Variants in TRAPPC8 observed in about 807,000 individuals in gnomAD.
TRAPPC8 encodes the protein trafficking protein particle complex subunit 8.
In TRAPPC8, 54 loss-of-function variants were observed where a neutral mutation model predicts 174.3. The observed-to-expected ratio is 0.31, with a 90% CI of 0.25 to 0.39. The LOEUF (loss-of-function observed/expected upper bound fraction) is 0.39. Among genes scored for constraint, TRAPPC8 ranks in the 10% least tolerant of loss-of-function variants. TRAPPC8 has a pLI of 1.00. For missense variants in TRAPPC8, 1,531 were observed against 1,699.1 expected, an observed-to-expected ratio of 0.90 and a Z score of 1.74; for synonymous variants, 630 against 579.9, an observed-to-expected ratio of 1.09 and a Z score of -1.24.
At chr18:31,930,221 G>A (rs2037791235) in intron 2 of TRAPPC8, among the ~76,000 whole-genome samples, 1 of 151,894 alleles carries the variant, frequency 6.6e-6, no homozygotes, top group African/African-American at 2.4e-5. Context: ...CCGGGTTCAA[G>A]CGATTCTTCT....
chr18:31,936,902 T>TTAA (rs1327401108), intron 1 of TRAPPC8, among the ~76,000 whole-genome samples: 1 of 92,496 alleles, frequency 1.1e-5, no homozygotes, highest in Non-Finnish European at 2.0e-5. Context: ...ACTCCGTCTT[T>TTAA]AAAAAAAAAA....
At chr18:31,908,062 C>T (rs146669441) in intron 8 of TRAPPC8, among the ~76,000 whole-genome samples, 761 of 152,292 alleles carry the variant, frequency 5.0e-3, no homozygotes, top group South Asian at 0.015. Flanking sequence ...AGTCTAACTT[C>T]ATTGTTTTAC....
chr18:31,935,571 A>G (rs2038060646), intron 1 of TRAPPC8, among the ~76,000 whole-genome samples: 2 of 137,620 alleles, frequency 1.5e-5, no homozygotes. Flanking sequence ...AAAAAAAAGC[A>G]GGCTTTATGA....
At chr18:31,858,058 CT>C (rs34631623) in intron 19 of TRAPPC8, 76 bp from the exon 20 acceptor site, 121,167 of 943,392 alleles carry the variant, frequency 0.13, 18 homozygotes, top group Non-Finnish European at 0.14. Flanking sequence ...CTTTAAGACA[CT>C]TTTTTTTTTT....
intron 1 of TRAPPC8, 156 bp downstream of exon 1, chr18:31,942,452 A>G: frequency 1.0e-6 from 1 of 1,001,386 alleles, no homozygotes; most frequent in Non-Finnish European, 1.4e-6. Flanking sequence ...TCCCTCCTCC[A>G]GCCGCCCCCG....
chr18:31,895,429 CCCA>C (rs2036142618), intron 11 of TRAPPC8, among the ~76,000 whole-genome samples: 1 of 152,094 alleles, frequency 6.6e-6, no homozygotes, highest in Non-Finnish European at 1.5e-5. Flanking sequence ...GCCCCCTCTC[CCCA>C]CCACATGGCA....
In TRAPPC8 at chr18:31,935,548, T is replaced by TGA. The variant is rs745488703; in HGVS notation, c.158-4026_158-4025insTC. Among the ~76,000 whole-genome samples the TGA allele has an allele frequency of 6.7e-4, 31 of 46,270 alleles. 7 individuals are homozygous for TGA. Among genetic ancestry groups the TGA allele is most frequent in the South Asian group, 3.3e-3 (4 of 1,218 alleles). 30.4% of individuals were successfully genotyped at this position (46,270 alleles called of 152,430 possible). On this transcript the variant is annotated intron_variant, in intron 1 of 28. Transcript: ENST00000283351. ...GGGCAACAAGAGCGAAACTCCATCT[T>TGA]AAAAAAAAAAAAAAAAAAAAGCAGG...
intron 11 of TRAPPC8, chr18:31,895,683 TA>T (rs1466449476): frequency 6.6e-6 from 1 of 152,192 alleles, no homozygotes; most frequent in Non-Finnish European, 1.5e-5. Flanking sequence ...TCCTGAACCA[TA>T]AATTCTTTTT....
intron 18 of TRAPPC8, among the ~76,000 whole-genome samples, chr18:31,866,145 A>T (rs1598630428): frequency 6.6e-6 from 1 of 152,118 alleles, no homozygotes; most frequent in South Asian, 2.1e-4. Context: ...ATTTGTTGTA[A>T]AATAAGACAT....
chr18:31,886,592 C>T (rs931843062), intron 12 of TRAPPC8, among the ~76,000 whole-genome samples: 4 of 152,058 alleles, frequency 2.6e-5, no homozygotes, highest in South Asian at 2.1e-4. Flanking sequence ...TCTTCCCCAG[C>T]GTTTTTTGTT....
At chr18:31,831,603 T>C (rs2032377531) in intron 28 of TRAPPC8, among the ~76,000 whole-genome samples, 1 of 152,134 alleles carries the variant, frequency 6.6e-6, no homozygotes, top group Admixed American at 6.5e-5. Context: ...TGTCTGTACA[T>C]GAATGCTTTT....
chr18:31,924,487 G>A (rs2037527649), intron 2 of TRAPPC8, among the ~76,000 whole-genome samples: 1 of 148,652 alleles, frequency 6.7e-6, no homozygotes, highest in Admixed American at 6.7e-5. Flanking sequence ...ATGGCCAGGA[G>A]TGGTGGCTCA....
chr18:31,834,269 G>A (rs1371326425), intron 27 of TRAPPC8, among the ~76,000 whole-genome samples: 1 of 151,838 alleles, frequency 6.6e-6, no homozygotes, highest in Non-Finnish European at 1.5e-5. Flanking sequence ...ACCACACCCG[G>A]CTAATTTTTT....
At chr18:31,860,890 A>T (rs1267111788) in intron 19 of TRAPPC8, among the ~76,000 whole-genome samples, 1 of 152,230 alleles carries the variant, frequency 6.6e-6, no homozygotes. Context: ...TAAATTAAGT[A>T]TTGTGTAAAC....
At chr18:31,913,547 C>G (rs1003883500) in intron 4 of TRAPPC8, 25 bp from the exon 5 acceptor site, 10 of 1,544,458 alleles carry the variant, frequency 6.5e-6, no homozygotes, top group Middle Eastern at 2.1e-4. Context: ...GGAAAAAAAT[C>G]TGAAGTAAAA....
At chr18:31,908,260 G>T in intron 8 of TRAPPC8, 43 bp downstream of exon 8, 1 of 1,232,408 alleles carries the variant, frequency 8.1e-7, no homozygotes, top group Non-Finnish European at 1.2e-6. Flanking sequence ...ACTAGTCAGA[G>T]AGTTAAACAG....
chr18:31,942,955 C>G lies in TRAPPC8; in HGVS notation c.-191G>C. 1 of 1,153,458 alleles carries G rather than the reference C, an allele frequency of 8.7e-7. No individual in the cohort carries two copies. 71.5% of individuals were successfully genotyped at this position (1,153,458 alleles called of 1,614,324 possible). ...TTCTGGGGCACAATCCACTGACCCC[C>G]CCCTTCCCGTCACCGCCGCTTCTCA... On this transcript the variant is annotated 5_prime_UTR_variant, in exon 1 of 29. Transcript: ENST00000283351.
At position 31,897,998 on chromosome 18, in the gene TRAPPC8, A is replaced by G; in HGVS notation, c.1491-107T>C. 4.1e-6 allele frequency: 4 copies of G among 984,718 alleles called. No homozygotes were observed. The South Asian group carries it at 7.8e-5, about 19-fold the overall frequency. The allele number at this position is 984,718 out of a possible 1,614,324, so 61.0% of individuals were successfully genotyped here. A position where few individuals can be genotyped will look rare whatever the true frequency, so the allele number is the denominator to read the frequency against. ...AATTACAGTTTTAGAGGATAGTTGC[A>G]GGGAGATGGTTCCAGGACCCTCCAG... On this transcript the variant is annotated intron_variant, in intron 10 of 28. Coordinates refer to ENST00000283351, the MANE Select transcript of TRAPPC8 (RefSeq NM_014939.5).
chr18:31,916,603 A>G (rs923975487), intron 3 of TRAPPC8, among the ~76,000 whole-genome samples, 157 bp from the exon 4 acceptor site: 1 of 152,054 alleles, frequency 6.6e-6, no homozygotes, highest in African/African-American at 2.4e-5. Context: ...CGTGATCTCG[A>G]CTCAACACAA....
Sources: allele counts gnomAD v4.1 joint callset (sites outside exome capture counted in the v4.1 genomes callset), GRCh38; gene constraint gnomAD v4.1.1; transcripts MANE v1.5; gene names NCBI Gene and HGNC (gene_info 2026-07-23, HGNC 2026-07-21).